The following ATF7IP variants were observed in gnomAD, a reference collection of about 807,000 sequenced individuals.
ATF7IP encodes activating transcription factor 7 interacting protein, also known as activating transcription factor 7-interacting protein 1.
A neutral mutation model predicts 106.4 loss-of-function variants in ATF7IP; 23 were observed. The observed-to-expected ratio is 0.22, with a 90% CI of 0.16 to 0.31. The LOEUF (loss-of-function observed/expected upper bound fraction) is 0.31. ATF7IP is among the 10% of genes least tolerant of loss of function. The probability of loss-of-function intolerance (pLI) is 1.00; values close to 1 mark genes in which losing one functional copy is unlikely to be tolerated. For missense variants in ATF7IP, 1,334 were observed against 1,524.3 expected (o/e 0.88, Z 2.08); for synonymous variants, 542 against 539.0 (o/e 1.01, Z -0.08).
intron 1 of ATF7IP, among the ~76,000 whole-genome samples, chr12:14,393,245 T>A (rs1215750107): frequency 1.3e-5 from 2 of 152,302 alleles, no homozygotes; most frequent in Middle Eastern, 3.4e-3. Context: ...AGGTATATAA[T>A]AAGTGATTTC....
Position 14,460,993 on chromosome 12 carries a change from G to T in ATF7IP, c.2657G>T (p.Arg886Met). The change falls in exon 9 of 15, where the codon AGG becomes ATG. Residue 886 changes from arginine to methionine, a missense_variant. Arg to Met is a moderately conservative substitution (Grantham distance 91, BLOSUM62 -1). Coordinates refer to ENST00000261168, the MANE Select transcript of ATF7IP (RefSeq NM_018179.5). ...GCACACTCTATTGTACAAGCCACAA[G>T]GACTTCTTTACCCACAGTGGGCCCA... ...PTAHSIVQAT[R>M]TSLPTVGPSG... 6.2e-7 allele frequency: 1 copy of T among 1,614,114 alleles called. No homozygotes were observed. The highest frequency in any genetic ancestry group is 8.5e-7 in the Non-Finnish European group (1 of 1,180,034).
At chr12:14,481,516 A>G (rs1944427857) in intron 13 of ATF7IP, 1 of 398,710 alleles carries the variant, frequency 2.5e-6, no homozygotes, top group Admixed American at 3.6e-5. Flanking sequence ...TATACCATAA[A>G]TATATATAAT....
intron 9 of ATF7IP, among the ~76,000 whole-genome samples, chr12:14,461,867 C>T (rs901992275): frequency 2.0e-5 from 3 of 152,114 alleles, no homozygotes; most frequent in African/African-American, 7.2e-5. Context: ...GGGTAGGCAT[C>T]ATGTGTCTAG....
chr12:14,415,697 T>TTG (rs1941167376), intron 1 of ATF7IP, among the ~76,000 whole-genome samples: 1 of 151,534 alleles, frequency 6.6e-6, no homozygotes. Flanking sequence ...TACTGTTTTT[T>TTG]TTTTTTTTTA....
chr12:14,375,146 A>C (rs1938685126), intron 1 of ATF7IP, among the ~76,000 whole-genome samples: 1 of 151,990 alleles, frequency 6.6e-6, no homozygotes, highest in South Asian at 2.1e-4. Context: ...GAGGTGAAAA[A>C]AAAAAGGGAA....
intron 9 of ATF7IP, among the ~76,000 whole-genome samples, chr12:14,464,648 T>C (rs1004204060): frequency 6.6e-6 from 1 of 152,050 alleles, no homozygotes. Context: ...GTAGATCTTG[T>C]AGAAGAAAGG....
intron 11 of ATF7IP, among the ~76,000 whole-genome samples, chr12:14,477,267 T>C (rs1944291097): frequency 6.6e-6 from 1 of 152,240 alleles, no homozygotes; most frequent in African/African-American, 2.4e-5. Flanking sequence ...CAACTGATTA[T>C]ATGACAGTAA....
intron 10 of ATF7IP, among the ~76,000 whole-genome samples, chr12:14,473,873 T>G (rs555653252): frequency 2.0e-5 from 3 of 152,046 alleles, no homozygotes; most frequent in Non-Finnish European, 4.4e-5. Context: ...TTCCATAGTT[T>G]CTGACCAATA....
At chr12:14,396,967 CCTGA>C (rs750758652) in intron 1 of ATF7IP, among the ~76,000 whole-genome samples, 3 of 151,992 alleles carry the variant, frequency 2.0e-5, no homozygotes, top group Non-Finnish European at 2.9e-5. Context: ...TCGAGACCAG[CCTGA>C]CTAACATGGT....
rs60962708 is a variant in ATF7IP, at chr12:14,467,672, GT to G, written c.2862+1095del. On this transcript the variant is annotated intron_variant, in intron 10 of 14. Coordinates refer to ENST00000261168, the MANE Select transcript of ATF7IP (RefSeq NM_018179.5). ...TGAACATCTCTACTTCCCTCAGTGA[GT>G]TTTTTTTTTTTTAACAAGTAATATT... Among the ~76,000 whole-genome samples the G allele has an allele frequency of 3.4e-3, 499 of 146,666 alleles. 4 individuals carry two copies. Among genetic ancestry groups the G allele is most frequent in the Middle Eastern group, 0.014 (4 of 280 alleles).
rs7313259 is a variant in ATF7IP at position 14,475,839 on chromosome 12, C to T, written c.2863-51C>T. 678,689 of 1,459,710 alleles carry T rather than the reference C, an allele frequency of 0.46. 161,086 individuals carry two copies. Among genetic ancestry groups the T allele is most frequent in the East Asian group, 0.62 (26,955 of 43,706 alleles). The allele number at this position is 1,459,710 out of a possible 1,614,324, so 90.4% of individuals were successfully genotyped here. A position where few individuals can be genotyped will look rare whatever the true frequency, so the allele number is the denominator to read the frequency against. On this transcript the variant is annotated intron_variant, in intron 10 of 14. Coordinates refer to ENST00000261168, the MANE Select transcript of ATF7IP (RefSeq NM_018179.5). The stretch of plus-strand genomic sequence containing the variant: ...TCACTTATCATCTCATTTTTTAACA[C>T]GTATATCTGCCAGAGTTTTCTTTGT...
chr12:14,366,834 A>T (rs943278378), intron 1 of ATF7IP, among the ~76,000 whole-genome samples: 14 of 138,298 alleles, frequency 1.0e-4, no homozygotes, highest in Admixed American at 2.0e-4. Flanking sequence ...GACCATTAAT[A>T]AAAAAAATCT....
At chr12:14,366,365 A>G (rs957650722) in intron 1 of ATF7IP, among the ~76,000 whole-genome samples, 1 of 152,220 alleles carries the variant, frequency 6.6e-6, no homozygotes, top group Admixed American at 6.5e-5. Context: ...TCTCACGGGA[A>G]GTGCATTTAT....
At chr12:14,380,777 G>A (rs1309096686) in intron 1 of ATF7IP, among the ~76,000 whole-genome samples, 18 of 152,026 alleles carry the variant, frequency 1.2e-4, no homozygotes, top group African/African-American at 4.1e-4. Context: ...GTGCCACCAC[G>A]CCCAGCTAAT....
At chr12:14,400,598 G>A (rs945677738) in intron 1 of ATF7IP, among the ~76,000 whole-genome samples, 1 of 151,946 alleles carries the variant, frequency 6.6e-6, no homozygotes, top group African/African-American at 2.4e-5. Context: ...GGATATTAAG[G>A]GCTTTTGTTT....
intron 13 of ATF7IP, among the ~76,000 whole-genome samples, chr12:14,485,328 G>GGTT (rs1333794896): frequency 6.6e-6 from 1 of 151,572 alleles, no homozygotes; most frequent in Non-Finnish European, 1.5e-5. Flanking sequence ...CCTCTTTCTT[G>GGTT]GTTGTAGGAA....
intron 13 of ATF7IP, among the ~76,000 whole-genome samples, chr12:14,492,145 G>T (rs113609362): frequency 3.3e-5 from 5 of 152,084 alleles, no homozygotes; most frequent in Admixed American, 3.3e-4. Context: ...TTTGGCACTG[G>T]GGAAATGACC....
intron 1 of ATF7IP, among the ~76,000 whole-genome samples, chr12:14,376,408 T>G (rs1426271223): frequency 6.6e-6 from 1 of 152,264 alleles, no homozygotes; most frequent in African/African-American, 2.4e-5. Context: ...TTTTCATGTT[T>G]TCTTTAGCCA....
intron 1 of ATF7IP, chr12:14,394,952 CTG>C (rs1430519432): frequency 5.3e-5 from 8 of 152,096 alleles, no homozygotes; most frequent in African/African-American, 1.9e-4. Context: ...AAGATATACT[CTG>C]TGTGTTCTGT....
Sources: gnomAD v4.1 joint callset for allele counts (sites outside exome capture counted in the v4.1 genomes callset) on GRCh38, gnomAD v4.1.1 for gene constraint, MANE v1.5 for transcripts, NCBI Gene and HGNC (gene_info 2026-07-23, HGNC 2026-07-21) for gene names.